The following SUCLA2 variants were observed in gnomAD, a reference collection of about 807,000 sequenced individuals.
SUCLA2 encodes the protein succinate--CoA ligase [ADP-forming] subunit beta, mitochondrial.
In SUCLA2, 30 loss-of-function variants were observed where a neutral mutation model predicts 54.8. The ratio of observed to expected loss-of-function variants is 0.55; its 90% CI spans 0.41 to 0.74. The LOEUF (loss-of-function observed/expected upper bound fraction) is 0.74, where lower values mean the gene tolerates loss of function less well. Ranked by LOEUF, SUCLA2 falls within the 30% of genes least tolerant of loss-of-function variation. The pLI, the probability that SUCLA2 is intolerant of heterozygous loss-of-function variation, is 0.00. For synonymous variants in SUCLA2, 172 were observed against 188.9 expected (o/e 0.91, Z 0.74); for missense variants, 476 against 562.9 (o/e 0.85, Z 1.56).
intron 4 of SUCLA2, among the ~76,000 whole-genome samples, chr13:47,986,116 C>T (rs948426015): frequency 6.6e-6 from 1 of 151,286 alleles, no homozygotes; most frequent in Non-Finnish European, 1.5e-5. Flanking sequence ...CTGCAACCTC[C>T]ACCTCCCAGA....
rs868360787 is a variant in SUCLA2 at position 47,973,392 on chromosome 13, C to G, written c.535G>C (p.Gly179Arg). 6.2e-7 allele frequency: 1 copy of G among 1,612,980 alleles called. No individual in the cohort carries two copies. The highest frequency in any genetic ancestry group is 8.5e-7 in the Non-Finnish European group (1 of 1,179,850). ...FAITMERSFQGPVLIGSSHGG... is the reference protein window; with the variant it reads ...FAITMERSFQRPVLIGSSHGG... ...TGTGAACTTCCTATTAATACAGGAC[C>G]CTGGCAAGGGAAGTAAACAACCAAA... The change falls in exon 5 of 11, where the codon GGT (glycine) becomes CGT (arginine). Residue 179 changes from glycine (G) to arginine (R), a missense_variant and splice_region_variant. Physicochemically the swap from Gly to Arg is moderately radical, Grantham distance 125. Around this residue, in one of 2 missense-constraint regions of SUCLA2, gnomAD observed 342 missense variants for 444.2 expected, o/e 0.77. Transcript: ENST00000646932.
At chr13:48,000,325 T>C (rs545187174) in intron 1 of SUCLA2, among the ~76,000 whole-genome samples, 138 of 152,318 alleles carry the variant, frequency 9.1e-4, no homozygotes, top group African/African-American at 3.3e-3. Context: ...TGGAGCCAAC[T>C]CAAGTACACG....
chr13:47,968,003 C>A (rs1353775575), intron 6 of SUCLA2, among the ~76,000 whole-genome samples: 1 of 152,054 alleles, frequency 6.6e-6, no homozygotes, highest in Non-Finnish European at 1.5e-5. Flanking sequence ...TATATAAAGA[C>A]CCCATATACA....
chr13:47,986,021 T>C (rs1482289494), intron 4 of SUCLA2, among the ~76,000 whole-genome samples: 1 of 142,492 alleles, frequency 7.0e-6, no homozygotes, highest in African/African-American at 2.6e-5. Flanking sequence ...GTGTTGGCCA[T>C]ATGTATAGTT....
chr13:47,972,763 T>G (rs1949978332), intron 5 of SUCLA2, among the ~76,000 whole-genome samples: 1 of 148,092 alleles, frequency 6.8e-6, no homozygotes, highest in African/African-American at 2.5e-5. Context: ...TTTTTTTTTT[T>G]TTTGAGATGA....
rs966747664 is a variant in SUCLA2, at chr13:47,970,264, A to G, written c.664-1531T>C. Among the ~76,000 whole-genome samples, 34 of 152,340 alleles carry G rather than the reference A, an allele frequency of 2.2e-4. No individual in the cohort carries two copies. In the East Asian group the frequency reaches 6.5e-3, roughly 29 times the overall value. On this transcript the variant is annotated intron_variant, in intron 5 of 10. Coordinates refer to ENST00000646932, the MANE Select transcript of SUCLA2 (RefSeq NM_003850.3). ...TAAAACCAAATGTTTAGGCTTAAACATTTGAAAACTACAAAGTAATTCTGA... is the reference window on the plus strand; with the variant it reads ...TAAAACCAAATGTTTAGGCTTAAACGTTTGAAAACTACAAAGTAATTCTGA...
intron 6 of SUCLA2, among the ~76,000 whole-genome samples, chr13:47,962,860 G>C (rs1272722010): frequency 1.3e-5 from 2 of 151,896 alleles, no homozygotes; most frequent in Non-Finnish European, 2.9e-5. Context: ...TTAAAACTTA[G>C]GAGTTTTTCC....
rs2031589 is a variant in SUCLA2 at position 47,995,892 on chromosome 13, T to C, written c.271+951A>G. On this transcript the variant is annotated intron_variant, in intron 2 of 10. Transcript: ENST00000646932. ...AATTGACAAAAGCTATTAAGGCTTCTGTTATCAATAAAGGAATCTGCTAAT... is the reference window on the plus strand; with the variant it reads ...AATTGACAAAAGCTATTAAGGCTTCCGTTATCAATAAAGGAATCTGCTAAT... Among the ~76,000 whole-genome samples, 307 of 152,190 alleles carry C rather than the reference T, an allele frequency of 2.0e-3. 2 individuals carry two copies. The highest frequency in any genetic ancestry group is 4.1e-3 in the South Asian group (20 of 4,822).
intron 4 of SUCLA2, among the ~76,000 whole-genome samples, chr13:47,975,499 T>C (rs1050221321): frequency 6.6e-6 from 1 of 152,170 alleles, no homozygotes; most frequent in Admixed American, 6.5e-5. Context: ...AACATACTCA[T>C]TTAAAGTATA....
At chr13:47,976,414 C>T (rs1405242805) in intron 4 of SUCLA2, among the ~76,000 whole-genome samples, 2 of 152,132 alleles carry the variant, frequency 1.3e-5, no homozygotes, top group Non-Finnish European at 2.9e-5. Flanking sequence ...AGAAGCTTCT[C>T]CATTGGGAGA....
chr13:47,971,031 G>A lies in SUCLA2; in HGVS notation c.663+2233C>T, dbSNP rs1396543975. Among the ~76,000 whole-genome samples, 9 of 148,558 alleles carry A rather than the reference G, an allele frequency of 6.1e-5. No individual in the cohort carries two copies. The South Asian group carries it at 6.6e-4, about 11-fold the overall frequency. On this transcript the variant is annotated intron_variant, in intron 5 of 10. Coordinates refer to ENST00000646932, the MANE Select transcript of SUCLA2 (RefSeq NM_003850.3). ...AGCCTGGGCGACAGAGCGAGACTCCGTCTCAAAAAAAAACTAAAAATAAAA... is the reference window on the plus strand; with the variant it reads ...AGCCTGGGCGACAGAGCGAGACTCCATCTCAAAAAAAAACTAAAAATAAAA...
chr13:47,965,494 T>TTAAAAAAAAAAAAA, intron 6 of SUCLA2: 1 of 310,486 alleles, frequency 3.2e-6, no homozygotes, highest in Non-Finnish European at 5.6e-6. Context: ...ACCCCTTCTT[T>TTAAAAAAAAAAAAA]AAAAAAAAAA....
chr13:47,986,913 T>C (rs1429515592), intron 4 of SUCLA2, among the ~76,000 whole-genome samples: 1 of 152,254 alleles, frequency 6.6e-6, no homozygotes, highest in Non-Finnish European at 1.5e-5. Context: ...GACTAATTTT[T>C]GTTGTTCAAC....
chr13:47,993,362 A>C (rs1950164555), intron 2 of SUCLA2, among the ~76,000 whole-genome samples: 1 of 152,242 alleles, frequency 6.6e-6, no homozygotes. Context: ...TGTGCTAATA[A>C]CCATCCCTTT....
chr13:47,958,996 G>A (rs1949844212), intron 6 of SUCLA2, among the ~76,000 whole-genome samples: 1 of 152,132 alleles, frequency 6.6e-6, no homozygotes, highest in South Asian at 2.1e-4. Context: ...TTCCAGTTAA[G>A]AAAGGGTTGT....
chr13:47,942,867 T>C lies in SUCLA2; in HGVS notation c.*504A>G, dbSNP rs927324897. 1.3e-5 allele frequency: 2 copies of C among 155,998 alleles called. No individual in the cohort carries two copies. Among genetic ancestry groups the C allele is most frequent in the African/African-American group, 4.8e-5 (2 of 41,464 alleles). 9.7% of individuals were successfully genotyped at this position (155,998 alleles called of 1,614,324 possible). A position where few individuals can be genotyped will look rare whatever the true frequency, so the allele number is the denominator to read the frequency against. On this transcript the variant is annotated 3_prime_UTR_variant, in exon 11 of 11. Transcript: ENST00000646932. ...CATCAAAATACTTAGAAGAATATTC[T>C]GAGGAGTGTTTGAAAGCTCTGTTTA...
At chr13:47,988,774 A>T in intron 3 of SUCLA2, 71 bp from the exon 4 acceptor site, 79 of 1,598,978 alleles carry the variant, frequency 4.9e-5, no homozygotes, top group Non-Finnish European at 6.8e-5. Context: ...ATAATAGCCA[A>T]AATTTTATCT....
chr13:47,993,818 C>A (rs960043534), intron 2 of SUCLA2, among the ~76,000 whole-genome samples: 77 of 151,902 alleles, frequency 5.1e-4, no homozygotes, highest in African/African-American at 1.7e-3. Flanking sequence ...GGTGGATCAC[C>A]TGAGGTCGGG....
rs779363900 is a variant in SUCLA2 at position 48,001,245 on chromosome 13, T to A, written c.25A>T (p.Arg9Trp). The change falls in exon 1 of 11, where the codon AGG becomes TGG. Residue 9 changes from arginine (R) to tryptophan (W), a missense_variant. Physicochemically the swap from Arg to Trp is moderately radical, Grantham distance 101. This residue lies in a region of SUCLA2 where 134 missense variants were observed against 118.7 expected (regional missense o/e 1.13). Coordinates refer to ENST00000646932, the MANE Select transcript of SUCLA2 (RefSeq NM_003850.3). MAASMFYG[R>W]LVAVATLRNH... ...CGAAGGGTGGCCACGGCCACTAGCC[T>A]GCCGTAGAACATGGAGGCCGCCATT... 1.9e-6 allele frequency: 3 copies of A among 1,605,918 alleles called. No homozygotes were observed. Among genetic ancestry groups the A allele is most frequent in the Non-Finnish European group, 2.5e-6 (3 of 1,177,070 alleles).
Sources: allele counts gnomAD v4.1 joint callset (sites outside exome capture counted in the v4.1 genomes callset), GRCh38; gene constraint gnomAD v4.1.1; regional missense constraint gnomAD v4.1.1; transcripts MANE v1.5; gene names NCBI Gene and HGNC (gene_info 2026-07-23, HGNC 2026-07-21).